AGTRAP: variants seen among roughly 807,000 people sequenced by gnomAD.
AGTRAP encodes the protein type-1 angiotensin II receptor-associated protein.
AGTRAP carries 7 observed loss-of-function variants against 15.2 expected under a neutral mutation model. That is an observed-to-expected ratio of 0.46 (90% CI 0.26 to 0.87). The LOEUF (loss-of-function observed/expected upper bound fraction) is 0.87. Among genes scored for constraint, AGTRAP ranks in the 40% least tolerant of loss-of-function variants. The pLI, the probability that AGTRAP is intolerant of heterozygous loss-of-function variation, is 0.15. For synonymous variants in AGTRAP, 74 were observed against 89.6 expected (o/e 0.83, Z 0.98); for missense variants, 187 against 213.4 (o/e 0.88, Z 0.77).
intron 1 of AGTRAP, among the ~76,000 whole-genome samples, chr1:11,738,365 C>G (rs182687292): frequency 3.7e-4 from 56 of 152,320 alleles, no homozygotes; most frequent in African/African-American, 1.3e-3. Context: ...GTCCATGTCT[C>G]TTGAAGCCAG....
chr1:11,736,742 C>G (rs1043199226), intron 1 of AGTRAP, among the ~76,000 whole-genome samples: 1 of 152,248 alleles, frequency 6.6e-6, no homozygotes, highest in Non-Finnish European at 1.5e-5. Context: ...ATCCAGCGCC[C>G]TTATTTCATA....
intron 1 of AGTRAP, chr1:11,744,455 C>T: frequency 4.3e-6 from 3 of 695,156 alleles, no homozygotes; most frequent in Non-Finnish European, 8.1e-6. Context: ...CCTCAGGCCC[C>T]CCTACCTGTC....
intron 1 of AGTRAP, among the ~76,000 whole-genome samples, chr1:11,741,915 G>A (rs535638124): frequency 2.0e-5 from 3 of 152,294 alleles, no homozygotes; most frequent in South Asian, 2.1e-4. Context: ...TGGGTGCATC[G>A]GTCCTTACAG....
At position 11,747,482 on chromosome 1, in the gene AGTRAP, C is replaced by T. The variant is rs993152131; in HGVS notation, c.105C>T (p.Phe35=). 7 of 1,614,194 alleles carry T rather than the reference C, an allele frequency of 4.3e-6. No homozygotes were observed. Among genetic ancestry groups the T allele is most frequent in the Non-Finnish European group, 3.4e-6 (4 of 1,180,014 alleles). The change falls in exon 3 of 5, where the codon TTC becomes TTT. Residue 35 remains phenylalanine, a synonymous_variant. Transcript: ENST00000314340. ...CAGGCTCCTATGCCTGGGCCAACTT[C>T]ACCATCCTGGCCTTGGGCGTGTGGG... ...VFSGSYAWAN[F]TILALGVWAV...
chr1:11,743,655 C>T (rs1323693203), intron 1 of AGTRAP, among the ~76,000 whole-genome samples: 3 of 151,528 alleles, frequency 2.0e-5, no homozygotes, highest in Non-Finnish European at 4.4e-5. Flanking sequence ...CAACCTCTGC[C>T]TCCTGGGTTC....
chr1:11,743,013 T>C (rs960589779), intron 1 of AGTRAP, among the ~76,000 whole-genome samples: 6 of 152,170 alleles, frequency 3.9e-5, no homozygotes, highest in Admixed American at 3.9e-4. Context: ...GGGCCCTCAT[T>C]GACCACCAGG....
At chr1:11,747,142 A>C (rs1019498739) in intron 2 of AGTRAP, among the ~76,000 whole-genome samples, 2 of 152,218 alleles carry the variant, frequency 1.3e-5, no homozygotes, top group African/African-American at 4.8e-5. Flanking sequence ...CAGAGGAGTG[A>C]CAGCATCTGA....
chr1:11,744,890 C>T (rs558495838), intron 1 of AGTRAP, among the ~76,000 whole-genome samples: 3 of 152,234 alleles, frequency 2.0e-5, no homozygotes, highest in South Asian at 2.1e-4. Context: ...GAGTTTCTCT[C>T]GTCGCCCAGG....
At chr1:11,749,614 A>G (rs1016771324) in intron 4 of AGTRAP, among the ~76,000 whole-genome samples, 3 of 152,152 alleles carry the variant, frequency 2.0e-5, no homozygotes, top group African/African-American at 7.2e-5. Context: ...CCATCTGGAT[A>G]TGGTAATGTG....
intron 1 of AGTRAP, 108 bp downstream of exon 1, chr1:11,736,343 A>G: frequency 2.1e-6 from 3 of 1,458,602 alleles, no homozygotes; most frequent in Non-Finnish European, 9.4e-7. Context: ...GAGGGATGGT[A>G]GGGAGGAAGG....
chr1:11,744,511 C>G (rs980411166), intron 1 of AGTRAP: 2 of 714,968 alleles, frequency 2.8e-6, no homozygotes, highest in African/African-American at 3.5e-5. Context: ...ACAACAGCTG[C>G]TTTCCCCTCT....
chr1:11,741,654 C>T (rs1642032557), intron 1 of AGTRAP, among the ~76,000 whole-genome samples: 1 of 152,192 alleles, frequency 6.6e-6, no homozygotes, highest in Admixed American at 6.5e-5. Flanking sequence ...CACTGGCCTG[C>T]TCTGTGACCT....
intron 2 of AGTRAP, chr1:11,746,239 T>TGTA (rs755131542): frequency 1.8e-5 from 29 of 1,585,758 alleles, no homozygotes; most frequent in African/African-American, 2.7e-5. Context: ...TAATGTGAAC[T>TGTA]GTAACCATCA....
At chr1:11,740,221 G>GT (rs1463853772) in intron 1 of AGTRAP, among the ~76,000 whole-genome samples, 1 of 152,218 alleles carries the variant, frequency 6.6e-6, no homozygotes, top group East Asian at 1.9e-4. Context: ...AAAGACAGTG[G>GT]TTTTGTCCTG....
At chr1:11,743,516 G>T (rs1642083528) in intron 1 of AGTRAP, among the ~76,000 whole-genome samples, 1 of 151,616 alleles carries the variant, frequency 6.6e-6, no homozygotes, top group South Asian at 2.1e-4. Context: ...ACAGTGCTGG[G>T]ATTACAGGGG....
At chr1:11,746,894 C>G (rs555340758) in intron 2 of AGTRAP, among the ~76,000 whole-genome samples, 1 of 152,138 alleles carries the variant, frequency 6.6e-6, no homozygotes, top group Admixed American at 6.5e-5. Context: ...AGGAAAGTGA[C>G]GAACTTGTAC....
At chr1:11,739,817 G>A (rs574401130) in intron 1 of AGTRAP, among the ~76,000 whole-genome samples, 150 of 152,312 alleles carry the variant, frequency 9.8e-4, no homozygotes, top group African/African-American at 3.4e-3. Context: ...GTTAGTAAAC[G>A]GATACTTACA....
intron 1 of AGTRAP, among the ~76,000 whole-genome samples, chr1:11,743,367 T>A (rs569079622): frequency 1.3e-5 from 2 of 151,976 alleles, no homozygotes; most frequent in South Asian, 4.2e-4. Flanking sequence ...TGCCTCAACT[T>A]CCGGAGTAGC....
At chr1:11,747,069 G>C (rs986567398) in intron 2 of AGTRAP, among the ~76,000 whole-genome samples, 1 of 152,242 alleles carries the variant, frequency 6.6e-6, no homozygotes, top group Admixed American at 6.5e-5. Context: ...AGGCCCCTTA[G>C]GCCCTGGTGA....
Sources: gnomAD v4.1 joint callset for allele counts (sites outside exome capture counted in the v4.1 genomes callset) on GRCh38, gnomAD v4.1.1 for gene constraint, MANE v1.5 for transcripts, NCBI Gene and HGNC (gene_info 2026-07-23, HGNC 2026-07-21) for gene names.